The following PTPRK variants were observed in gnomAD, a reference collection of about 807,000 sequenced individuals.
PTPRK encodes the protein protein tyrosine phosphatase receptor type K.
A neutral mutation model predicts 178.0 loss-of-function variants in PTPRK; 75 were observed. The ratio of observed to expected loss-of-function variants is 0.42; its 90% CI spans 0.35 to 0.51. PTPRK has a LOEUF of 0.51. Among genes scored for constraint, PTPRK ranks in the 20% least tolerant of loss-of-function variants. The pLI is 0.02. For missense variants in PTPRK, 1,441 were observed against 1,797.8 expected (o/e 0.80, Z 3.59); for synonymous variants, 637 against 620.6 (o/e 1.03, Z -0.39).
At chr6:128,182,294 G>C (rs1382564460) in intron 7 of PTPRK, among the ~76,000 whole-genome samples, 1 of 151,998 alleles carries the variant, frequency 6.6e-6, no homozygotes, top group Non-Finnish European at 1.5e-5. Context: ...AGCAGCTATG[G>C]GCCAGGCACG....
chr6:128,008,456 A>C (rs1054577685), intron 14 of PTPRK, among the ~76,000 whole-genome samples: 1 of 150,964 alleles, frequency 6.6e-6, no homozygotes, highest in Non-Finnish European at 1.5e-5. Flanking sequence ...TATAATGTAC[A>C]ATAGCTCATA....
At chr6:128,328,272 G>A (rs1829832385) in intron 2 of PTPRK, among the ~76,000 whole-genome samples, 1 of 152,192 alleles carries the variant, frequency 6.6e-6, no homozygotes, top group Non-Finnish European at 1.5e-5. Flanking sequence ...GGCAGGTAAT[G>A]AAGGACAAAT....
At chr6:128,302,404 A>C (rs1188049175) in intron 3 of PTPRK, among the ~76,000 whole-genome samples, 1 of 135,616 alleles carries the variant, frequency 7.4e-6, no homozygotes, top group East Asian at 1.9e-4. Flanking sequence ...AAAAAAAAAA[A>C]AAAAAAAAAA....
Position 128,413,480 on chromosome 6 carries a change from C to G in PTPRK, c.101-15792G>C, listed in dbSNP as rs143556429. ...AGTATAGGAATGTCCTCTAGAGTCT[C>G]AAGACAGATGGCCTCTCTGCATCTG... On this transcript the variant is annotated intron_variant, in intron 1 of 29. Coordinates refer to ENST00000368226, the MANE Select transcript of PTPRK (RefSeq NM_002844.4). 1.1e-4 allele frequency among the ~76,000 whole-genome samples: 16 copies of G among 152,254 alleles called. No individual in the cohort carries two copies. In the East Asian group the frequency reaches 3.1e-3, roughly 29 times the overall value.
In PTPRK at chr6:128,301,099, T is replaced by C. The variant is rs567231369; in HGVS notation, c.495+20940A>G. ...CATTTTAAGTACTGAAAATAGTGCC[T>C]GGCATGAAGAAGACACTTGAAAAAT... On this transcript the variant is annotated intron_variant, in intron 3 of 29. Coordinates refer to ENST00000368226, the MANE Select transcript of PTPRK (RefSeq NM_002844.4). Among the ~76,000 whole-genome samples, 5 of 152,276 alleles carry C rather than the reference T, an allele frequency of 3.3e-5. No individual in the cohort carries two copies. In the East Asian group the frequency reaches 9.6e-4, roughly 29 times the overall value.
intron 3 of PTPRK, among the ~76,000 whole-genome samples, chr6:128,256,627 G>A (rs1184615947): frequency 2.0e-5 from 3 of 151,684 alleles, no homozygotes; most frequent in South Asian, 4.2e-4. Context: ...TAGTAGAGAC[G>A]GGGTTTCACC....
intron 6 of PTPRK, among the ~76,000 whole-genome samples, chr6:128,217,319 C>A (rs1327552344): frequency 6.6e-6 from 1 of 152,012 alleles, no homozygotes; most frequent in Non-Finnish European, 1.5e-5. Context: ...ACAAGTTACA[C>A]TGAAAATAGT....
At chr6:128,485,875 G>A (rs1055851377) in intron 1 of PTPRK, among the ~76,000 whole-genome samples, 21 of 152,210 alleles carry the variant, frequency 1.4e-4, no homozygotes, top group Admixed American at 4.6e-4. Context: ...AAAAATCAGC[G>A]TCTTTCTTGA....
intron 15 of PTPRK, among the ~76,000 whole-genome samples, chr6:128,003,413 G>T (rs548452656): frequency 2.9e-4 from 44 of 151,714 alleles, no homozygotes; most frequent in African/African-American, 7.2e-4. Context: ...AACATCAAGA[G>T]AGGTGTATCT....
chr6:128,365,526 G>A (rs1331351291), intron 2 of PTPRK, among the ~76,000 whole-genome samples: 1 of 152,080 alleles, frequency 6.6e-6, no homozygotes, highest in Non-Finnish European at 1.5e-5. Context: ...GATATGAAGT[G>A]GAGGTGGTAT....
intron 21 of PTPRK, among the ~76,000 whole-genome samples, chr6:127,989,907 AT>A (rs1462235777): frequency 6.6e-6 from 1 of 151,496 alleles, no homozygotes; most frequent in Non-Finnish European, 1.5e-5. Flanking sequence ...TACCTTTGAT[AT>A]TTTTTTGTGC....
rs956691261 is a variant in PTPRK at position 127,972,897 on chromosome 6, A to G, written c.4269+125T>C. On this transcript the variant is annotated intron_variant, in intron 29 of 29. Transcript: ENST00000368226. ...CTCAGCAATGTATTAATTAGGCAGG[A>G]AAGTCCCCACAACGTCTCATTTTCA... 7 of 935,212 alleles carry G rather than the reference A, an allele frequency of 7.5e-6. No homozygotes were observed. In the Admixed American group the frequency reaches 9.4e-5, roughly 13 times the overall value. 57.9% of individuals were successfully genotyped at this position (935,212 alleles called of 1,614,324 possible). A position where few individuals can be genotyped will look rare whatever the true frequency, so the allele number is the denominator to read the frequency against.
At chr6:128,146,833 G>A (rs1188182439) in intron 7 of PTPRK, among the ~76,000 whole-genome samples, 1 of 152,016 alleles carries the variant, frequency 6.6e-6, no homozygotes, top group Non-Finnish European at 1.5e-5. Flanking sequence ...CCATGTCAAG[G>A]TACAAAATTA....
At chr6:128,000,323 T>C in intron 15 of PTPRK, 1 of 1,296,306 alleles carries the variant, frequency 7.7e-7, no homozygotes. Context: ...GATAAACATT[T>C]TTTCTTCCTG....
chr6:128,111,578 G>GGCCCTTCACAAAA (rs1790670474), intron 7 of PTPRK, among the ~76,000 whole-genome samples: 9 of 151,598 alleles, frequency 5.9e-5, no homozygotes, highest in Non-Finnish European at 1.0e-4. Context: ...TGGAAATGTA[G>GGCCCTTCACAAAA]TTTTATGCTT....
intron 1 of PTPRK, among the ~76,000 whole-genome samples, chr6:128,493,103 A>G (rs749158237): frequency 7.9e-5 from 12 of 152,186 alleles, no homozygotes; most frequent in Non-Finnish European, 1.3e-4. Flanking sequence ...ATGTTAAATG[A>G]ATGAGTGAGT....
chr6:128,478,233 C>G (rs1396003842), intron 1 of PTPRK, among the ~76,000 whole-genome samples: 2 of 152,106 alleles, frequency 1.3e-5, no homozygotes, highest in African/African-American at 2.4e-5. Flanking sequence ...TACTTACACT[C>G]TCCTTCCTAA....
At chr6:128,396,030 T>G (rs1182980960) in intron 2 of PTPRK, among the ~76,000 whole-genome samples, 2 of 152,122 alleles carry the variant, frequency 1.3e-5, no homozygotes, top group Non-Finnish European at 1.5e-5. Flanking sequence ...GTGCTTGTGA[T>G]AAATTGTTTA....
chr6:128,127,668 T>C (rs1286160236), intron 7 of PTPRK, among the ~76,000 whole-genome samples: 2 of 152,230 alleles, frequency 1.3e-5, no homozygotes, highest in African/African-American at 2.4e-5. Context: ...ACTTGCCTTT[T>C]AGACGCAGCA....
Sources: allele counts gnomAD v4.1 joint callset (sites outside exome capture counted in the v4.1 genomes callset), GRCh38; gene constraint gnomAD v4.1.1; transcripts MANE v1.5; gene names NCBI Gene and HGNC (gene_info 2026-07-23, HGNC 2026-07-21).